Variants in PHACTR3 observed in about 807,000 individuals in gnomAD.
PHACTR3 encodes the protein phosphatase and actin regulator 3.
A neutral mutation model predicts 66.8 loss-of-function variants in PHACTR3; 16 were observed. That is an observed-to-expected ratio of 0.24 (90% CI 0.16 to 0.36). PHACTR3 has a LOEUF of 0.36. Among genes scored for constraint, PHACTR3 ranks in the 10% least tolerant of loss-of-function variants. The pLI, the probability that PHACTR3 is intolerant of heterozygous loss-of-function variation, is 1.00. For synonymous variants in PHACTR3, 323 were observed against 292.1 expected, an observed-to-expected ratio of 1.11 and a Z score of -1.08; for missense variants, 647 against 719.9, an observed-to-expected ratio of 0.90 and a Z score of 1.16.
At chr20:59,675,004 TCCTGTTCCTCCCCATTCTCCTC>T (rs1227750458) in intron 1 of PHACTR3, among the ~76,000 whole-genome samples, 19 of 70,354 alleles carry the variant, frequency 2.7e-4, no homozygotes, top group Admixed American at 4.0e-4. Flanking sequence ...TTCCCCCTTC[TCCTGTTCCTCCCCATTCTCCTC>T]CCTGTTCCTC....
intron 1 of PHACTR3, among the ~76,000 whole-genome samples, chr20:59,726,601 T>C (rs2038570084): frequency 6.6e-6 from 1 of 152,178 alleles, no homozygotes; most frequent in Non-Finnish European, 1.5e-5. Context: ...GATGAGGACA[T>C]GCTTTTTGTG....
At chr20:59,706,586 A>G (rs953855932) in intron 1 of PHACTR3, among the ~76,000 whole-genome samples, 1 of 152,198 alleles carries the variant, frequency 6.6e-6, no homozygotes, top group African/African-American at 2.4e-5. Context: ...CCTGGATCAC[A>G]TTAGTGTTCA....
intron 3 of PHACTR3, among the ~76,000 whole-genome samples, chr20:59,750,608 C>T (rs1042805882): frequency 1.1e-4 from 16 of 152,112 alleles, no homozygotes; most frequent in African/African-American, 3.4e-4. Context: ...GTCTTCCCTG[C>T]CCACACACCG....
At chr20:59,588,796 A>G (rs924331337) in intron 1 of PHACTR3, among the ~76,000 whole-genome samples, 8 of 152,246 alleles carry the variant, frequency 5.3e-5, no homozygotes, top group African/African-American at 1.9e-4. Context: ...ACGTGAATTA[A>G]CGAATGAGAG....
chr20:59,665,030 T>A (rs571601626), intron 1 of PHACTR3, among the ~76,000 whole-genome samples: 52 of 152,344 alleles, frequency 3.4e-4, no homozygotes, highest in African/African-American at 1.2e-3. Context: ...TTTATTTGGT[T>A]TTATTTTATA....
intron 1 of PHACTR3, among the ~76,000 whole-genome samples, chr20:59,669,187 T>G (rs1480507236): frequency 6.6e-6 from 1 of 152,164 alleles, no homozygotes; most frequent in Non-Finnish European, 1.5e-5. Context: ...CAGAACTGTC[T>G]CTACTCCCTA....
chr20:59,695,956 C>G (rs774948828), intron 1 of PHACTR3, among the ~76,000 whole-genome samples: 1 of 152,142 alleles, frequency 6.6e-6, no homozygotes, highest in Non-Finnish European at 1.5e-5. Context: ...TGGTCTCAAA[C>G]TCCTGACCTC....
intron 1 of PHACTR3, among the ~76,000 whole-genome samples, chr20:59,605,860 G>GGGGT (rs2033650088): frequency 2.7e-3 from 42 of 15,356 alleles, no homozygotes; most frequent in Admixed American, 8.7e-3. Context: ...GGGGGAGGTG[G>GGGGT]GGGGGGGGGT....
In PHACTR3 at chr20:59,755,203, A is replaced by G. The variant is rs776405085; in HGVS notation, c.380A>G (p.Asn127Ser). 1.9e-6 allele frequency: 3 copies of G among 1,612,924 alleles called. No individual in the cohort carries two copies. The highest frequency in any genetic ancestry group is 4.5e-5 in the East Asian group (2 of 44,862). Residue 127 changes from asparagine (N) to serine (S), a missense_variant, in exon 4 of 13, where the codon AAC becomes AGC. Coordinates refer to ENST00000371015, the MANE Select transcript of PHACTR3 (RefSeq NM_080672.5). ...GTAGATGCTGAAAGCAAAACTTGCA[A>G]CCCCGATGGAGGACCCCGATCTGTA... ...MEQDAESKTCNPDGGPRSVQS... is the reference protein window; with the variant it reads ...MEQDAESKTCSPDGGPRSVQS...
rs147486102 is a variant in PHACTR3 at position 59,740,942 on chromosome 20, T to C, written c.119-2165T>C. ...TCCTGGGCCTCCTTGGGGCAGCCAGTGGCATGCATGGGTGCCTTAGGTGGG... is the reference window on the plus strand; with the variant it reads ...TCCTGGGCCTCCTTGGGGCAGCCAGCGGCATGCATGGGTGCCTTAGGTGGG... On this transcript the variant is annotated intron_variant, in intron 1 of 12. Transcript: ENST00000371015. Among the ~76,000 whole-genome samples the C allele has an allele frequency of 4.9e-3, 741 of 152,324 alleles. 9 individuals are homozygous for C. Among genetic ancestry groups the C allele is most frequent in the African/African-American group, 0.017 (688 of 41,586 alleles).
chr20:59,650,095 C>T (rs2035413301), intron 1 of PHACTR3, among the ~76,000 whole-genome samples: 1 of 152,064 alleles, frequency 6.6e-6, no homozygotes, highest in East Asian at 1.9e-4. Context: ...GTCATATTTT[C>T]TATGACAGGT....
intron 3 of PHACTR3, among the ~76,000 whole-genome samples, chr20:59,752,051 A>G (rs2039613289): frequency 6.6e-6 from 1 of 152,238 alleles, no homozygotes; most frequent in African/African-American, 2.4e-5. Context: ...TGGGTATAAA[A>G]GAAGAGAGTT....
chr20:59,847,345 G>A lies in PHACTR3; in HGVS notation c.*215G>A. The A allele has an allele frequency of 2.3e-6, 1 of 434,456 alleles. No individual in the cohort carries two copies. Among genetic ancestry groups the A allele is most frequent in the Non-Finnish European group, 4.3e-6 (1 of 234,306 alleles). 26.9% of individuals were successfully genotyped at this position (434,456 alleles called of 1,614,324 possible). A position where few individuals can be genotyped will look rare whatever the true frequency, so the allele number is the denominator to read the frequency against. On this transcript the variant is annotated 3_prime_UTR_variant, in exon 13 of 13. Coordinates refer to ENST00000371015, the MANE Select transcript of PHACTR3 (RefSeq NM_080672.5). ...CTTCCTTCTTTGGTGTCTGAGGAGTGTGAACTGTTGGGGTCAGTTAAGACC... is the reference window on the plus strand; with the variant it reads ...CTTCCTTCTTTGGTGTCTGAGGAGTATGAACTGTTGGGGTCAGTTAAGACC...
chr20:59,641,643 A>G (rs1242344504), intron 1 of PHACTR3, among the ~76,000 whole-genome samples: 4 of 152,200 alleles, frequency 2.6e-5, no homozygotes, highest in Non-Finnish European at 5.9e-5. Context: ...TGGGCACCCA[A>G]AATAATGTTT....
At chr20:59,685,609 T>C (rs559759476) in intron 1 of PHACTR3, among the ~76,000 whole-genome samples, 62 of 152,334 alleles carry the variant, frequency 4.1e-4, no homozygotes, top group Non-Finnish European at 6.8e-4. Context: ...CCGGCCACTC[T>C]GGCCTCTGCT....
intron 5 of PHACTR3, 89 bp downstream of exon 5, chr20:59,767,484 A>G (rs74329191): frequency 0.032 from 44,094 of 1,378,202 alleles, 846 homozygotes; most frequent in Non-Finnish European, 0.039. Context: ...TCCATCATCT[A>G]TCTATTTATT....
intron 1 of PHACTR3, chr20:59,626,359 G>A (rs1424181242): frequency 4.6e-5 from 7 of 152,698 alleles, no homozygotes; most frequent in South Asian, 2.1e-4. Flanking sequence ...TGATGATAAA[G>A]TGAGGCTGGA....
intron 1 of PHACTR3, among the ~76,000 whole-genome samples, chr20:59,707,665 A>G (rs6015556): frequency 0.16 from 23,827 of 151,772 alleles, 6,025 homozygotes; most frequent in African/African-American, 0.53. Context: ...GGGTTTCACT[A>G]TGTTGCCCAG....
At chr20:59,822,913 C>T (rs78649401) in intron 8 of PHACTR3, among the ~76,000 whole-genome samples, 8,271 of 152,204 alleles carry the variant, frequency 0.054, 299 homozygotes, top group Non-Finnish European at 0.079. Flanking sequence ...ATGGGAGTGA[C>T]CCTGGAAGCC....
Sources: allele counts gnomAD v4.1 joint callset (sites outside exome capture counted in the v4.1 genomes callset), GRCh38; gene constraint gnomAD v4.1.1; transcripts MANE v1.5; gene names NCBI Gene and HGNC (gene_info 2026-07-23, HGNC 2026-07-21).